Variants in DZIP1L observed in about 807,000 individuals in gnomAD.
The protein encoded by DZIP1L is DAZ interacting zinc finger protein 1 like, also known as cilium assembly protein DZIP1L.
In DZIP1L, 90 loss-of-function variants were observed where a neutral mutation model predicts 88.7. The ratio of observed to expected loss-of-function variants is 1.02; its 90% confidence interval spans 0.86 to 1.21. DZIP1L has a LOEUF of 1.21. Ranked by LOEUF, DZIP1L falls within the 50% of genes most tolerant of loss-of-function variation. The pLI is 0.00. For synonymous variants in DZIP1L, 363 were observed against 372.1 expected, an observed-to-expected ratio of 0.98 and a Z score of 0.28; for missense variants, 932 against 955.8, an observed-to-expected ratio of 0.98 and a Z score of 0.33.
chr3:138,109,090 C>T (rs868329649), intron 1 of DZIP1L, among the ~76,000 whole-genome samples: 1 of 152,202 alleles, frequency 6.6e-6, no homozygotes, highest in African/African-American at 2.4e-5. Context: ...TTTTGTGTTC[C>T]TTATTGGCTA....
chr3:138,088,150 C>T (rs1944033354), intron 6 of DZIP1L, among the ~76,000 whole-genome samples: 1 of 152,172 alleles, frequency 6.6e-6, no homozygotes, highest in Admixed American at 6.5e-5. Flanking sequence ...AAATAAGAGA[C>T]AGAGTTGTAT....
chr3:138,101,762 AG>A, intron 2 of DZIP1L: 1 of 1,014,642 alleles, frequency 9.9e-7, no homozygotes, highest in South Asian at 1.3e-5. Flanking sequence ...AGCTTCCTAT[AG>A]GTGGCGATCT....
intron 10 of DZIP1L, among the ~76,000 whole-genome samples, chr3:138,077,880 T>C (rs993780434): frequency 2.6e-5 from 4 of 152,234 alleles, no homozygotes; most frequent in African/African-American, 9.6e-5. Flanking sequence ...CTCGTTTCCA[T>C]GCCAGGCTCA....
At chr3:138,101,371 C>T (rs1428228705) in intron 2 of DZIP1L, 4 of 658,562 alleles carry the variant, frequency 6.1e-6, no homozygotes, top group Non-Finnish European at 1.1e-5. Flanking sequence ...TAGGGCTGAG[C>T]CTCAGGTGGG....
intron 2 of DZIP1L, chr3:138,102,280 G>A (rs943016114): frequency 1.7e-5 from 24 of 1,437,978 alleles, no homozygotes; most frequent in East Asian, 4.6e-5. Context: ...CCTTCCAGGC[G>A]AGACTCCAGC....
At position 138,106,138 on chromosome 3, in the gene DZIP1L, T is replaced by C. The variant is rs1390568571; in HGVS notation, c.-81-2086A>G. On this transcript the variant is annotated intron_variant, in intron 1 of 15. Transcript: ENST00000327532. ...ATTCAGTCTTCTTTCTTTTTTTTTT[T>C]TTTTTTTTTTTTTTTTTTGAGACAG... 7.9e-3 allele frequency among the ~76,000 whole-genome samples: 1,054 copies of C among 134,146 alleles called. 17 individuals carry two copies. Among genetic ancestry groups the C allele is most frequent in the African/African-American group, 0.028 (999 of 35,620 alleles). 88.0% of individuals were successfully genotyped at this position (134,146 alleles called of 152,430 possible).
chr3:138,095,176 C>T (rs1290136163), intron 3 of DZIP1L, among the ~76,000 whole-genome samples, 193 bp from the exon 4 acceptor site: 1 of 152,190 alleles, frequency 6.6e-6, no homozygotes, highest in Non-Finnish European at 1.5e-5. Flanking sequence ...AACAATAGCA[C>T]CTAACTCAGA....
intron 2 of DZIP1L, among the ~76,000 whole-genome samples, chr3:138,098,900 C>T (rs1944598501): frequency 6.6e-6 from 1 of 152,134 alleles, no homozygotes; most frequent in African/African-American, 2.4e-5. Flanking sequence ...AATCCTAGAA[C>T]TTTGGGAGGC....
At chr3:138,081,918 A>C (rs1398748505) in intron 8 of DZIP1L, 154 bp from the exon 9 acceptor site, 1 of 598,048 alleles carries the variant, frequency 1.7e-6, no homozygotes, top group African/African-American at 1.9e-5. Context: ...GCACCACCCC[A>C]GCCCCCTGAC....
At chr3:138,100,969 C>T (rs1008128815) in intron 2 of DZIP1L, among the ~76,000 whole-genome samples, 1 of 152,166 alleles carries the variant, frequency 6.6e-6, no homozygotes, top group Non-Finnish European at 1.5e-5. Context: ...CCACCAATCC[C>T]TTGTCACACG....
At chr3:138,112,170 C>T (rs980450140) in intron 1 of DZIP1L, among the ~76,000 whole-genome samples, 1 of 152,070 alleles carries the variant, frequency 6.6e-6, no homozygotes, top group African/African-American at 2.4e-5. Context: ...GGCTATGGTT[C>T]GTCTCATCTC....
chr3:138,066,870 C>T (rs372680814), intron 14 of DZIP1L, among the ~76,000 whole-genome samples: 1 of 152,116 alleles, frequency 6.6e-6, no homozygotes, highest in Non-Finnish European at 1.5e-5. Flanking sequence ...CCCTGGGCCA[C>T]GGCGCACCTG....
At chr3:138,070,268 G>T (rs1321063473) in intron 12 of DZIP1L, among the ~76,000 whole-genome samples, 4 of 152,154 alleles carry the variant, frequency 2.6e-5, no homozygotes, top group African/African-American at 9.7e-5. Context: ...TGTACTAAAT[G>T]AATGAGTGGG....
At chr3:138,094,819 G>A in intron 4 of DZIP1L, 43 bp downstream of exon 4, 1 of 1,612,814 alleles carries the variant, frequency 6.2e-7, no homozygotes, top group East Asian at 2.2e-5. Context: ...CTCCTGGGTA[G>A]TCCATGACCC....
At chr3:138,065,808 C>T (rs1318346182) in intron 14 of DZIP1L, among the ~76,000 whole-genome samples, 1 of 152,176 alleles carries the variant, frequency 6.6e-6, no homozygotes, top group Non-Finnish European at 1.5e-5. Context: ...ACAGCCTTGG[C>T]TAGAAAATAC....
Position 138,071,444 on chromosome 3 carries a change from C to T in DZIP1L, c.1615+199G>A, listed in dbSNP as rs115373412. Among the ~76,000 whole-genome samples the T allele has an allele frequency of 0.025, 3,747 of 152,310 alleles. 95 individuals are homozygous for T. Among genetic ancestry groups the T allele is most frequent in the Non-Finnish European group, 0.031 (2,129 of 68,014 alleles). ...CCCCGAGTGACCCTGGACAAATGCC[C>T]CCACTCCACCCCAGATCCTATTTCC... On this transcript the variant is annotated intron_variant, in intron 12 of 15. Coordinates refer to ENST00000327532, the MANE Select transcript of DZIP1L (RefSeq NM_173543.3).
intron 1 of DZIP1L, among the ~76,000 whole-genome samples, 197 bp downstream of exon 1, chr3:138,115,131 G>A (rs1410517120): frequency 6.6e-6 from 1 of 152,076 alleles, no homozygotes; most frequent in Non-Finnish European, 1.5e-5. Context: ...GCCGCGCCGG[G>A]CCAGAAGGGC....
At chr3:138,108,246 C>T (rs1176892232) in intron 1 of DZIP1L, 3 of 985,198 alleles carry the variant, frequency 3.0e-6, no homozygotes, top group Non-Finnish European at 3.6e-6. Flanking sequence ...GACGACTACT[C>T]ACAACAAGCT....
chr3:138,097,526 G>C (rs966938729), intron 3 of DZIP1L, among the ~76,000 whole-genome samples: 2 of 152,222 alleles, frequency 1.3e-5, no homozygotes, highest in Non-Finnish European at 2.9e-5. Context: ...AATAGCGACA[G>C]AGCTAAGAGT....
Sources: allele counts gnomAD v4.1 joint callset (sites outside exome capture counted in the v4.1 genomes callset), GRCh38; gene constraint gnomAD v4.1.1; transcripts MANE v1.5; gene names NCBI Gene and HGNC (gene_info 2026-07-23, HGNC 2026-07-21).